The following HDAC9 variants were observed in gnomAD, a reference collection of about 807,000 sequenced individuals.
The protein encoded by HDAC9 is MEF-2 interacting transcription repressor (MITR) protein.
A neutral mutation model predicts 139.4 loss-of-function variants in HDAC9; 41 were observed. That is an observed-to-expected ratio of 0.29 (90% CI 0.23 to 0.38). HDAC9 has a LOEUF of 0.38. Among genes scored for constraint, HDAC9 ranks in the 10% least tolerant of loss-of-function variants. The pLI is 1.00. For missense variants in HDAC9, 1,147 were observed against 1,297.0 expected, an observed-to-expected ratio of 0.88 and a Z score of 1.78; for synonymous variants, 517 against 476.2, an observed-to-expected ratio of 1.09 and a Z score of -1.12.
chr7:18,204,598 A>G (rs1322162871), intron 2 of HDAC9, among the ~76,000 whole-genome samples: 1 of 152,068 alleles, frequency 6.6e-6, no homozygotes, highest in Non-Finnish European at 1.5e-5. Context: ...TTCAATAAAT[A>G]TAAAGTGGAA....
At chr7:18,538,951 A>G (rs1811800446) in intron 2 of HDAC9, among the ~76,000 whole-genome samples, 1 of 152,224 alleles carries the variant, frequency 6.6e-6, no homozygotes, top group African/African-American at 2.4e-5. Flanking sequence ...AGGCTATCAC[A>G]TGATGAGAGG....
intron 22 of HDAC9, among the ~76,000 whole-genome samples, chr7:18,923,839 C>A (rs1474129819): frequency 6.6e-6 from 1 of 151,942 alleles, no homozygotes. Flanking sequence ...AACAATGATC[C>A]AATACGCTAT....
chr7:18,224,441 A>G (rs1292473542), intron 2 of HDAC9, among the ~76,000 whole-genome samples: 1 of 152,164 alleles, frequency 6.6e-6, no homozygotes, highest in African/African-American at 2.4e-5. Context: ...TCAAAATTGA[A>G]CTGAAAGTCA....
chr7:18,962,202 C>T (rs1783571702), intron 24 of HDAC9, among the ~76,000 whole-genome samples: 2 of 152,114 alleles, frequency 1.3e-5, no homozygotes. Flanking sequence ...CAGGTGGGAG[C>T]TGCTATTTGT....
intron 22 of HDAC9, among the ~76,000 whole-genome samples, chr7:18,916,648 G>A (rs533199491): frequency 1.3e-4 from 19 of 151,956 alleles, no homozygotes; most frequent in Non-Finnish European, 2.4e-4. Flanking sequence ...AGAGAGAAAC[G>A]GGCACACAAA....
intron 16 of HDAC9, among the ~76,000 whole-genome samples, chr7:18,789,496 A>C (rs1011473410): frequency 9.2e-5 from 14 of 152,198 alleles, no homozygotes; most frequent in African/African-American, 2.9e-4. Flanking sequence ...AGACCTTAGT[A>C]GTAGGCCACT....
intron 22 of HDAC9, among the ~76,000 whole-genome samples, chr7:18,916,612 G>C (rs987033187): frequency 2.0e-5 from 3 of 151,942 alleles, no homozygotes; most frequent in African/African-American, 7.3e-5. Flanking sequence ...TGGCTAATGA[G>C]ATAGATATAG....
At chr7:18,624,792 T>G (rs1400326456) in intron 6 of HDAC9, among the ~76,000 whole-genome samples, 2 of 151,844 alleles carry the variant, frequency 1.3e-5, no homozygotes, top group Non-Finnish European at 2.9e-5. Flanking sequence ...GCTTCTGAAA[T>G]GTTAGGAGTG....
At chr7:18,755,213 A>G (rs1788774247) in intron 14 of HDAC9, among the ~76,000 whole-genome samples, 1 of 152,196 alleles carries the variant, frequency 6.6e-6, no homozygotes, top group Non-Finnish European at 1.5e-5. Flanking sequence ...AGATATTTGT[A>G]TATCACAGAG....
chr7:18,997,455 A>G lies in HDAC9; in HGVS notation c.*1393A>G, dbSNP rs1285880708. On this transcript the variant is annotated 3_prime_UTR_variant, in exon 26 of 26. Transcript: ENST00000686413. ...CTCCTAAAATTCGATTTCAACATATAACTCAAACACCTAAACATATTGAGG... is the reference window on the plus strand; with the variant it reads ...CTCCTAAAATTCGATTTCAACATATGACTCAAACACCTAAACATATTGAGG... 1 of 152,190 alleles carries G rather than the reference A, an allele frequency of 6.6e-6. No individual in the cohort carries two copies. Among genetic ancestry groups the G allele is most frequent in the Non-Finnish European group, 1.5e-5 (1 of 68,014 alleles). 9.4% of individuals were successfully genotyped at this position (152,190 alleles called of 1,614,324 possible).
At chr7:18,803,570 G>T (rs1793474906) in intron 17 of HDAC9, among the ~76,000 whole-genome samples, 1 of 152,254 alleles carries the variant, frequency 6.6e-6, no homozygotes. Context: ...GTTCAAAGTT[G>T]ATAGTTTCTC....
At chr7:18,447,860 T>G (rs1792439915) in intron 1 of HDAC9, among the ~76,000 whole-genome samples, 1 of 152,146 alleles carries the variant, frequency 6.6e-6, no homozygotes, top group African/African-American at 2.4e-5. Context: ...GGGGAGTGGT[T>G]AAATCATAGA....
intron 1 of HDAC9, among the ~76,000 whole-genome samples, chr7:18,362,640 ATGT>A (rs1382192971): frequency 2.6e-5 from 4 of 152,150 alleles, no homozygotes; most frequent in African/African-American, 9.7e-5. Flanking sequence ...ACCCTTATTC[ATGT>A]TGTAGGAAAT....
At chr7:18,158,154 T>C (rs1169617058) in intron 1 of HDAC9, among the ~76,000 whole-genome samples, 1 of 152,166 alleles carries the variant, frequency 6.6e-6, no homozygotes, top group East Asian at 1.9e-4. Context: ...AGTAGCACAC[T>C]ATCCAAAATA....
chr7:18,612,667 A>AT (rs5882666), intron 6 of HDAC9, among the ~76,000 whole-genome samples: 134,886 of 152,076 alleles, frequency 0.89, 59,876 homozygotes, highest in South Asian at 0.97. Context: ...AAACATTTTA[A>AT]TCCTTTCCAT....
Position 18,874,570 on chromosome 7 carries a change from T to A in HDAC9, c.2777T>A (p.Leu926Gln). The change falls in exon 22 of 26, where the codon CTA becomes CAA. Residue 926 changes from leucine to glutamine, a missense_variant. This residue lies in a region of HDAC9 where 407 missense variants were observed against 521.5 expected (regional missense o/e 0.78). Transcript: ENST00000686413. ...FDALEGHTPPLGGYKVTAKCF... is the reference protein window; with the variant it reads ...FDALEGHTPPQGGYKVTAKCF... ...GCATTGGAAGGCCACACCCCTCCTC[T>A]AGGAGGGTACAAAGTGACGGCAAAA... 6.3e-7 allele frequency: 1 copy of A among 1,587,004 alleles called. No individual in the cohort carries two copies. Among genetic ancestry groups the A allele is most frequent in the Non-Finnish European group, 8.6e-7 (1 of 1,163,654 alleles).
chr7:18,889,245 G>C (rs1800455618), intron 22 of HDAC9, among the ~76,000 whole-genome samples: 1 of 152,002 alleles, frequency 6.6e-6, no homozygotes, highest in African/African-American at 2.4e-5. Flanking sequence ...GTGATAACCT[G>C]GTTATCTTCT....
At chr7:18,090,184 A>G (rs1250488803) in intron 1 of HDAC9, among the ~76,000 whole-genome samples, 1 of 152,198 alleles carries the variant, frequency 6.6e-6, no homozygotes, top group Admixed American at 6.5e-5. Context: ...CCAACGTTAC[A>G]CCATAGTGAA....
At chr7:18,601,917 T>C (rs1834056551) in intron 6 of HDAC9, among the ~76,000 whole-genome samples, 1 of 152,178 alleles carries the variant, frequency 6.6e-6, no homozygotes, top group Admixed American at 6.5e-5. Flanking sequence ...AGATAATTGA[T>C]CAATGGCTAT....
Sources: gnomAD v4.1 joint callset for allele counts (sites outside exome capture counted in the v4.1 genomes callset) on GRCh38, gnomAD v4.1.1 for gene constraint, gnomAD v4.1.1 regional missense constraint, MANE v1.5 for transcripts, NCBI Gene and HGNC (gene_info 2026-07-23, HGNC 2026-07-21) for gene names.